CFAP97D2: variants seen among roughly 807,000 people sequenced by gnomAD.
CFAP97D2 encodes uncharacterized protein CFAP97D2.
At chr13:114,205,937 A>G (rs1031653892) in intron 3 of CFAP97D2, among the ~76,000 whole-genome samples, 28 of 152,348 alleles carry the variant, frequency 1.8e-4, no homozygotes, top group African/African-American at 6.3e-4. Context: ...TGCCTCTTCC[A>G]GGAAGGAGGC....
chr13:114,182,491 C>CG (rs1566610526), intron 1 of CFAP97D2, among the ~76,000 whole-genome samples: 24 of 148,782 alleles, frequency 1.6e-4, no homozygotes, highest in Non-Finnish European at 3.1e-4. Context: ...GACCCTTTAC[C>CG]GGTGTCGGGC....
At chr13:114,181,314 G>C (rs1428724577) in intron 1 of CFAP97D2, among the ~76,000 whole-genome samples, 1 of 152,216 alleles carries the variant, frequency 6.6e-6, no homozygotes, top group African/African-American at 2.4e-5. Flanking sequence ...AGCAGGGGCA[G>C]ACACAGGTGG....
intron 3 of CFAP97D2, among the ~76,000 whole-genome samples, chr13:114,210,855 T>TACACACACACACACACACAC (rs34230424): frequency 1.4e-5 from 2 of 144,878 alleles, no homozygotes; most frequent in African/African-American, 5.1e-5. Context: ...ATTTCATTGA[T>TACACACACACACACACACAC]ACACACACAC....
intron 3 of CFAP97D2, among the ~76,000 whole-genome samples, chr13:114,208,714 G>T (rs933204886): frequency 2.0e-5 from 3 of 152,162 alleles, no homozygotes; most frequent in Non-Finnish European, 4.4e-5. Context: ...TCCTATCCAG[G>T]TTCATGGATG....
chr13:114,196,242 C>T (rs147736292), intron 1 of CFAP97D2, among the ~76,000 whole-genome samples, 154 bp from the exon 2 acceptor site: 1 of 152,142 alleles, frequency 6.6e-6, no homozygotes, highest in Non-Finnish European at 1.5e-5. Flanking sequence ...AGGGGATACT[C>T]GGATTCCAAA....
chr13:114,210,869 C>CACACACAT (rs1280882912), intron 3 of CFAP97D2, among the ~76,000 whole-genome samples: 8 of 151,540 alleles, frequency 5.3e-5, no homozygotes, highest in African/African-American at 1.5e-4. Flanking sequence ...CACACACACA[C>CACACACAT]ACACACACAC....
intron 4 of CFAP97D2, among the ~76,000 whole-genome samples, chr13:114,220,186 C>T (rs193176495): frequency 6.6e-6 from 1 of 152,306 alleles, no homozygotes; most frequent in Non-Finnish European, 1.5e-5. Flanking sequence ...CCACCTTGAC[C>T]TGCTGTTGGA....
chr13:114,211,654 T>C lies in CFAP97D2; in HGVS notation c.291-258T>C, dbSNP rs1226706688. Among the ~76,000 whole-genome samples, 2 of 152,162 alleles carry C rather than the reference T, an allele frequency of 1.3e-5. No homozygotes were observed. The highest frequency in any genetic ancestry group is 2.9e-5 in the Non-Finnish European group (2 of 68,026). On this transcript the variant is annotated intron_variant, in intron 3 of 4. Transcript: ENST00000646158. The surrounding 1 kb of genome is among the most constrained non-coding windows in gnomAD (Gnocchi z 4.2). ...CGGGAGACTTCCCCGCTGTGCCCCA[T>C]TGTGCTCACCCTGAAAACGCCCCTC...
At chr13:114,215,513 T>C (rs1466806917) in intron 4 of CFAP97D2, 1 of 152,204 alleles carries the variant, frequency 6.6e-6, no homozygotes, top group Non-Finnish European at 1.5e-5. Context: ...TGTATTCTCT[T>C]CTAATACTAT....
intron 3 of CFAP97D2, among the ~76,000 whole-genome samples, chr13:114,209,103 A>C (rs1181470777): frequency 1.3e-5 from 2 of 152,236 alleles, no homozygotes; most frequent in Non-Finnish European, 2.9e-5. Context: ...AAAAGAGAAG[A>C]AAGCAAGCAA....
chr13:114,191,697 C>T (rs1392927938), intron 1 of CFAP97D2, among the ~76,000 whole-genome samples: 3 of 152,186 alleles, frequency 2.0e-5, no homozygotes, highest in African/African-American at 7.2e-5. Flanking sequence ...GCTTACAAAA[C>T]TAAACATACT....
intron 4 of CFAP97D2, among the ~76,000 whole-genome samples, chr13:114,217,500 T>G (rs978202120): frequency 6.6e-6 from 1 of 152,210 alleles, no homozygotes; most frequent in Non-Finnish European, 1.5e-5. Context: ...ATAGAAAAAG[T>G]GGGAATCCTC....
chr13:114,222,523 C>G (rs564764214), downstream of CFAP97D2: 1 of 398,542 alleles, frequency 2.5e-6, no homozygotes, highest in Non-Finnish European at 4.4e-6. This position sits in a 1 kb window ranked among gnomAD's most constrained non-coding sequence, Gnocchi z 4.4. Context: ...GATTAGCAAG[C>G]GCACAGCCAA....
In CFAP97D2 at chr13:114,200,445, T is replaced by C; in HGVS notation, c.290+2T>C. On this transcript the variant is annotated splice_donor_variant, in intron 3 of 4. Transcript: ENST00000646158. LOFTEE classifies it high-confidence loss of function. ...CAAAAACAACTCCAAGCACAGGAGGTAAGGGAGCGGCTCCTGCCATCCCAC... is the reference window on the plus strand; with the variant it reads ...CAAAAACAACTCCAAGCACAGGAGGCAAGGGAGCGGCTCCTGCCATCCCAC... 2.5e-6 allele frequency: 1 copy of C among 398,556 alleles called. No individual in the cohort carries two copies. The highest frequency in any genetic ancestry group is 4.4e-6 in the Non-Finnish European group (1 of 226,060). The allele number at this position is 398,556 out of a possible 1,614,324, so 24.7% of individuals were successfully genotyped here.
chr13:114,214,944 A>C (rs998746532), intron 4 of CFAP97D2, among the ~76,000 whole-genome samples: 3 of 152,164 alleles, frequency 2.0e-5, no homozygotes, highest in African/African-American at 7.2e-5. Context: ...CTAATTATTG[A>C]AATTTAGGTT....
intron 4 of CFAP97D2, among the ~76,000 whole-genome samples, chr13:114,219,880 T>C (rs1411759032): frequency 6.6e-6 from 1 of 152,070 alleles, no homozygotes; most frequent in Non-Finnish European, 1.5e-5. Flanking sequence ...AAGGAGGCGA[T>C]GGGCCCAGGG....
At chr13:114,209,016 G>A (rs574136236) in intron 3 of CFAP97D2, among the ~76,000 whole-genome samples, 1 of 152,186 alleles carries the variant, frequency 6.6e-6, no homozygotes, top group South Asian at 2.1e-4. Context: ...TTTAAAGCCT[G>A]GAGGAGAATT....
intron 3 of CFAP97D2, among the ~76,000 whole-genome samples, chr13:114,201,479 G>C: frequency 6.6e-6 from 1 of 152,190 alleles, no homozygotes; most frequent in Non-Finnish European, 1.5e-5. Context: ...AAGCTCAGGC[G>C]GGCCCTGCAT....
chr13:114,188,728 G>A (rs1331970700), intron 1 of CFAP97D2, among the ~76,000 whole-genome samples: 1 of 147,458 alleles, frequency 6.8e-6, no homozygotes, highest in Non-Finnish European at 1.5e-5. Flanking sequence ...AGTGAGCCGA[G>A]ATTGCGCCAC....
Sources: allele counts gnomAD v4.1 joint callset (sites outside exome capture counted in the v4.1 genomes callset), GRCh38; gene constraint gnomAD v4.1.1; non-coding constraint Gnocchi (gnomAD v3.1); transcripts MANE v1.5; gene names NCBI Gene and HGNC (gene_info 2026-07-23, HGNC 2026-07-21).